The following BICRA variants were observed in gnomAD, a reference collection of about 807,000 sequenced individuals.
BICRA encodes the protein BRD4-interacting chromatin-remodeling complex-associated protein.
Under a neutral mutation model 96.9 loss-of-function variants are expected in BICRA, and 31 were observed. The observed-to-expected ratio is 0.32, with a 90% CI of 0.24 to 0.43. The LOEUF is 0.43. Among genes scored for constraint, BICRA ranks in the 20% least tolerant of loss-of-function variants. BICRA has a pLI of 1.00. For missense variants in BICRA, 2,283 were observed against 2,190.3 expected, an observed-to-expected ratio of 1.04 and a Z score of -0.84; for synonymous variants, 1,350 against 1,071.8, an observed-to-expected ratio of 1.26 and a Z score of -5.07.
chr19:47,672,431 G>T (rs538025285), intron 2 of BICRA, among the ~76,000 whole-genome samples: 49 of 151,978 alleles, frequency 3.2e-4, no homozygotes, highest in Non-Finnish European at 5.4e-4. Flanking sequence ...ATGGAGGGAT[G>T]GGTAGGTAGG....
In BICRA at chr19:47,680,989, A is replaced by G. The variant is rs938571145; in HGVS notation, c.1819A>G (p.Thr607Ala). The change falls in exon 6 of 15, where the codon ACC (threonine) becomes GCC (alanine). Residue 607 changes from threonine (T) to alanine (A), a missense_variant. Coordinates refer to ENST00000594866, the MANE Select transcript of BICRA (RefSeq NM_001394372.1). ...NTPDGLVQPA[T>A]PAAATGEAAP... is the part of the protein sequence containing the mutation. ...CCCCGACGGCCTGGTGCAGCCGGCC[A>G]CCCCTGCCGCTGCCACCGGGGAGGC... 2 of 1,453,924 alleles carry G rather than the reference A, an allele frequency of 1.4e-6. No homozygotes were observed. The highest frequency in any genetic ancestry group is 1.8e-6 in the Non-Finnish European group (2 of 1,113,164). 90.1% of individuals were successfully genotyped at this position (1,453,924 alleles called of 1,614,324 possible).
intron 1 of BICRA, among the ~76,000 whole-genome samples, chr19:47,669,865 C>T (rs535402586): frequency 6.6e-6 from 1 of 152,048 alleles, no homozygotes; most frequent in South Asian, 2.1e-4. Context: ...ACCGGGTTAG[C>T]CAGGATGGTC....
At position 47,680,771 on chromosome 19, in the gene BICRA, C is replaced by T. The variant is rs1159390100; in HGVS notation, c.1601C>T (p.Ser534Phe). The T allele has an allele frequency of 6.2e-7, 1 of 1,610,172 alleles. No individual in the cohort carries two copies. Residue 534 changes from serine to phenylalanine, a missense_variant, in exon 6 of 15, where the codon TCC becomes TTC. By Grantham distance (155) the Ser-to-Phe change is radical. Transcript: ENST00000594866. ...LSLGPVLAPH[S>F]GAHSAHILSA... ...CTGGGCCCCGTGTTGGCCCCCCACTCCGGGGCCCACAGCGCGCACATCCTC... is the reference window on the plus strand; with the variant it reads ...CTGGGCCCCGTGTTGGCCCCCCACTTCGGGGCCCACAGCGCGCACATCCTC...
At chr19:47,655,848 T>G (rs892195469) in intron 1 of BICRA, among the ~76,000 whole-genome samples, 5 of 149,074 alleles carry the variant, frequency 3.4e-5, no homozygotes, top group Admixed American at 1.3e-4. Context: ...AGAGCGAGAC[T>G]CCATCTCAAA....
At position 47,658,631 on chromosome 19, in the gene BICRA, C is replaced by CAAAA. The variant is rs3074083; in HGVS notation, c.-107-11793_-107-11790dup. The stretch of plus-strand genomic sequence containing the variant: ...TGGGTGACAGAATGAGACTTCGTCT[C>CAAAA]AAAAAAAAAAAAAAAAAAAAAAGCA... On this transcript the variant is annotated intron_variant, in intron 1 of 14. Transcript: ENST00000594866. 1.2e-3 allele frequency among the ~76,000 whole-genome samples: 117 copies of CAAAA among 97,422 alleles called. 2 individuals carry two copies. Among genetic ancestry groups the CAAAA allele is most frequent in the African/African-American group, 4.3e-3 (107 of 25,014 alleles). 63.9% of individuals were successfully genotyped at this position (97,422 alleles called of 152,430 possible).
At chr19:47,700,273 A>T (rs983115239) in intron 14 of BICRA, 2 of 151,962 alleles carry the variant, frequency 1.3e-5, no homozygotes, top group Non-Finnish European at 2.9e-5. Context: ...TCGGGGCCTG[A>T]TATGTTCTGG....
In BICRA at chr19:47,679,456, G is replaced by A; in HGVS notation, c.286G>A (p.Gly96Ser). The A allele has an allele frequency of 6.6e-7, 1 of 1,512,654 alleles. No homozygotes were observed. The highest frequency in any genetic ancestry group is 8.8e-7 in the Non-Finnish European group (1 of 1,130,086). The allele number at this position is 1,512,654 out of a possible 1,614,324, so 93.7% of individuals were successfully genotyped here. The change falls in exon 6 of 15, where the codon GGC (glycine) becomes AGC (serine). Residue 96 changes from glycine to serine, a missense_variant. By Grantham distance (56) the Gly-to-Ser change is moderately conservative. Transcript: ENST00000594866. ...ATGGGGGGSG[G>S]ADQPCDILQQ... ...AGGGGGCGGCGGCGGGGGCAGTGGG[G>A]GCGCTGACCAGCCCTGTGACATCCT...
At chr19:47,653,095 T>C (rs953199363) in intron 1 of BICRA, among the ~76,000 whole-genome samples, 7 of 143,980 alleles carry the variant, frequency 4.9e-5, no homozygotes, top group African/African-American at 1.8e-4. Context: ...TGTTCTCAGC[T>C]CACTGCAACC....
rs898403218 is a variant in BICRA at position 47,701,902 on chromosome 19, C to G, written c.4170C>G (p.Thr1390=). The change falls in exon 15 of 15, where the codon ACC becomes ACG. Residue 1390 remains threonine, a synonymous_variant. Coordinates refer to ENST00000594866, the MANE Select transcript of BICRA (RefSeq NM_001394372.1). The surrounding 1 kb of genome is among the most constrained non-coding windows in gnomAD (Gnocchi z 5.4). ...PHCPRLPLRK[T]YRENVGGPGA... Reference sequence around the variant, plus strand: ...GCCCGCGCCTGCCACTGCGCAAGACCTACCGCGAGAACGTGGGGGGCCCTG... The same window carrying G: ...GCCCGCGCCTGCCACTGCGCAAGACGTACCGCGAGAACGTGGGGGGCCCTG... 6.9e-7 allele frequency: 1 copy of G among 1,444,798 alleles called. No individual in the cohort carries two copies. Among genetic ancestry groups the G allele is most frequent in the African/African-American group, 1.5e-5 (1 of 66,340 alleles). 89.5% of individuals were successfully genotyped at this position (1,444,798 alleles called of 1,614,324 possible). A position where few individuals can be genotyped will look rare whatever the true frequency, so the allele number is the denominator to read the frequency against.
At chr19:47,610,501 C>T (rs1408585307) in intron 1 of BICRA, among the ~76,000 whole-genome samples, 1 of 152,100 alleles carries the variant, frequency 6.6e-6, no homozygotes, top group Non-Finnish European at 1.5e-5. Context: ...GCGGTGTCAG[C>T]TCTCCCGGGG....
chr19:47,637,309 C>T (rs1314454564), intron 1 of BICRA, among the ~76,000 whole-genome samples: 5 of 151,930 alleles, frequency 3.3e-5, no homozygotes, highest in African/African-American at 4.8e-5. Context: ...TTAGTAGAGA[C>T]AGGGTTTCAC....
intron 1 of BICRA, among the ~76,000 whole-genome samples, chr19:47,612,447 A>T (rs1314078103): frequency 6.6e-6 from 1 of 152,026 alleles, no homozygotes; most frequent in Non-Finnish European, 1.5e-5. Context: ...AAAAATGTAA[A>T]GGTGAGTGGC....
At chr19:47,649,117 C>G (rs917712882) in intron 1 of BICRA, among the ~76,000 whole-genome samples, 33 of 152,072 alleles carry the variant, frequency 2.2e-4, no homozygotes, top group African/African-American at 7.3e-4. Context: ...TCCCAAAGTG[C>G]TGGGATTACA....
At chr19:47,663,969 C>T (rs1010903423) in intron 1 of BICRA, 9 of 152,124 alleles carry the variant, frequency 5.9e-5, no homozygotes, top group African/African-American at 2.2e-4. Context: ...AGGCATGACC[C>T]ATAGTTTGAG....
intron 1 of BICRA, among the ~76,000 whole-genome samples, chr19:47,640,371 A>T (rs1972366169): frequency 1.3e-5 from 2 of 151,966 alleles, no homozygotes; most frequent in Admixed American, 6.6e-5. Flanking sequence ...CTCTACTAAA[A>T]ATAGAAAAAT....
At position 47,675,070 on chromosome 19, in the gene BICRA, G is replaced by A. The variant is rs1972920924; in HGVS notation, c.85-781G>A. Among the ~76,000 whole-genome samples, 1 of 152,202 alleles carries A rather than the reference G, an allele frequency of 6.6e-6. No individual in the cohort carries two copies. The highest frequency in any genetic ancestry group is 6.6e-5 in the Admixed American group (1 of 15,264). On this transcript the variant is annotated intron_variant, in intron 4 of 14. Transcript: ENST00000594866. The surrounding 1 kb of genome is among the most constrained non-coding windows in gnomAD (Gnocchi z 4.7). ...TGGCACTGGATTTGGGATCTATCTG[G>A]GAGGTGGCATCAACTAGACTTGCTG... is the stretch of plus-strand genomic sequence containing the variant.
intron 1 of BICRA, among the ~76,000 whole-genome samples, chr19:47,661,273 C>T (rs1030777873): frequency 9.5e-5 from 14 of 147,788 alleles, no homozygotes; most frequent in South Asian, 2.2e-4. Context: ...GCTGGGGTGA[C>T]GAAGATGATG....
chr19:47,644,502 C>G (rs527722995), intron 1 of BICRA, among the ~76,000 whole-genome samples: 12 of 141,534 alleles, frequency 8.5e-5, no homozygotes, highest in Non-Finnish European at 1.5e-4. Flanking sequence ...ACCCCTTCAC[C>G]TTCCTTTTTT....
rs779233177 is a variant in BICRA, at chr19:47,682,057, G to A, written c.2188G>A (p.Ala730Thr). The A allele has an allele frequency of 1.4e-5, 16 of 1,140,414 alleles. No homozygotes were observed. Among genetic ancestry groups the A allele is most frequent in the Admixed American group, 8.8e-5 (4 of 45,268 alleles). 70.6% of individuals were successfully genotyped at this position (1,140,414 alleles called of 1,614,324 possible). Residue 730 changes from alanine to threonine, a missense_variant, in exon 7 of 15, where the codon GCC (alanine) becomes ACC (threonine). By Grantham distance (58) the Ala-to-Thr change is moderately conservative. Coordinates refer to ENST00000594866, the MANE Select transcript of BICRA (RefSeq NM_001394372.1). Reference sequence around the variant, plus strand: ...GGTCATAGTCAGCGCCCCGCCTCCCGCCCAAGACCCAGCCCCAGCCACCCC... The same window carrying A: ...GGTCATAGTCAGCGCCCCGCCTCCCACCCAAGACCCAGCCCCAGCCACCCC... ...ASVIVSAPPPAQDPAPATPVA... is the reference protein window; with the variant it reads ...ASVIVSAPPPTQDPAPATPVA...
Sources: gnomAD v4.1 joint callset for allele counts (sites outside exome capture counted in the v4.1 genomes callset) on GRCh38, gnomAD v4.1.1 for gene constraint, Gnocchi (gnomAD v3.1) non-coding constraint, MANE v1.5 for transcripts, NCBI Gene and HGNC (gene_info 2026-07-23, HGNC 2026-07-21) for gene names.